RBM20: variants seen among roughly 807,000 people sequenced by gnomAD.
RBM20 encodes the protein RNA binding motif protein 20, also known as RNA-binding protein 20.
A neutral mutation model predicts 110.1 loss-of-function variants in RBM20; 51 were observed. The observed-to-expected ratio is 0.46, with a 90% CI of 0.37 to 0.59. The LOEUF (loss-of-function observed/expected upper bound fraction) is 0.59. Among genes scored for constraint, RBM20 ranks in the 20% least tolerant of loss-of-function variants. The pLI is 0.00. For synonymous variants in RBM20, 589 were observed against 618.2 expected (o/e 0.95, Z 0.70); for missense variants, 1,512 against 1,574.9 (o/e 0.96, Z 0.68).
intron 1 of RBM20, among the ~76,000 whole-genome samples, chr10:110,707,280 A>G (rs762013720): frequency 1.3e-5 from 2 of 152,242 alleles, no homozygotes; most frequent in Non-Finnish European, 2.9e-5. Context: ...TGTTGGATAT[A>G]AAATGGAGCT....
At chr10:110,783,085 T>G (rs1373929071) in intron 2 of RBM20, among the ~76,000 whole-genome samples, 5 of 151,772 alleles carry the variant, frequency 3.3e-5, no homozygotes, top group Non-Finnish European at 5.9e-5. Context: ...AAGGGTCCAT[T>G]GAGAGGGGTA....
At chr10:110,700,281 G>A (rs1862738284) in intron 1 of RBM20, among the ~76,000 whole-genome samples, 1 of 152,146 alleles carries the variant, frequency 6.6e-6, no homozygotes, top group African/African-American at 2.4e-5. Context: ...TGGGTTTATA[G>A]GTGCTACATT....
At chr10:110,682,089 A>G (rs1262104505) in intron 1 of RBM20, among the ~76,000 whole-genome samples, 1 of 151,944 alleles carries the variant, frequency 6.6e-6, no homozygotes, top group African/African-American at 2.4e-5. Context: ...ATGGGGTTTC[A>G]CCATGCTGGC....
chr10:110,654,283 C>T (rs73353197), intron 1 of RBM20, among the ~76,000 whole-genome samples: 4,508 of 152,226 alleles, frequency 0.03, 225 homozygotes, highest in African/African-American at 0.1. Context: ...AATATGTTTG[C>T]GTTGTATCAC....
At chr10:110,730,197 A>G (rs1843606348) in intron 1 of RBM20, among the ~76,000 whole-genome samples, 1 of 152,126 alleles carries the variant, frequency 6.6e-6, no homozygotes, top group African/African-American at 2.4e-5. Flanking sequence ...GGAGAAGCAG[A>G]CCCCTGGATA....
chr10:110,672,742 T>G (rs1181733042), intron 1 of RBM20, among the ~76,000 whole-genome samples: 1 of 152,216 alleles, frequency 6.6e-6, no homozygotes, highest in Non-Finnish European at 1.5e-5. Flanking sequence ...AGTGCTAGGT[T>G]GTACCGTGGA....
chr10:110,750,062 G>A (rs1475667608), intron 1 of RBM20, among the ~76,000 whole-genome samples: 1 of 152,200 alleles, frequency 6.6e-6, no homozygotes, highest in Non-Finnish European at 1.5e-5. Flanking sequence ...TATACACATA[G>A]GTGTTGCCTC....
At chr10:110,700,163 C>A (rs1321057477) in intron 1 of RBM20, among the ~76,000 whole-genome samples, 1 of 152,112 alleles carries the variant, frequency 6.6e-6, no homozygotes, top group Non-Finnish European at 1.5e-5. Flanking sequence ...TACTGTATTC[C>A]CCTCTTCCTG....
chr10:110,833,522 A>C (rs1564668940), intron 13 of RBM20, among the ~76,000 whole-genome samples: 1 of 152,056 alleles, frequency 6.6e-6, no homozygotes, highest in Non-Finnish European at 1.5e-5. Flanking sequence ...TCGATGTGAG[A>C]ACCTTTTCTC....
intron 12 of RBM20, among the ~76,000 whole-genome samples, chr10:110,830,594 C>CT (rs5787874): frequency 0.3 from 45,517 of 151,774 alleles, 7,017 homozygotes; most frequent in East Asian, 0.33. Context: ...CTTTTATTTA[C>CT]TTTTTTTTCT....
chr10:110,644,589 G>C lies in RBM20; in HGVS notation c.135G>C (p.Pro45=), dbSNP rs1564804199. The C allele has an allele frequency of 2.0e-6, 3 of 1,524,518 alleles. No homozygotes were observed. The highest frequency in any genetic ancestry group is 4.1e-5 in the Admixed American group (2 of 49,140). 94.4% of individuals were successfully genotyped at this position (1,524,518 alleles called of 1,614,324 possible). ...PSGPRGMQQP[P]PPPQPPPPPQ... is the part of the protein sequence containing the mutation. ...GCCCGCGAGGGATGCAGCAGCCGCC[G>C]CCGCCGCCCCAGCCACCGCCCCCGC... The change falls in exon 1 of 14, where the codon CCG becomes CCC. Residue 45 remains proline, a synonymous_variant. Transcript: ENST00000369519. This position sits in a 1 kb window ranked among gnomAD's most constrained non-coding sequence, Gnocchi z 4.3.
intron 1 of RBM20, among the ~76,000 whole-genome samples, chr10:110,773,105 G>A (rs773748831): frequency 3.3e-5 from 5 of 152,196 alleles, no homozygotes; most frequent in Non-Finnish European, 7.3e-5. Context: ...ACTCCATTGC[G>A]CTATTCTCAG....
At chr10:110,759,791 G>C (rs527755289) in intron 1 of RBM20, among the ~76,000 whole-genome samples, 1 of 152,182 alleles carries the variant, frequency 6.6e-6, no homozygotes, top group African/African-American at 2.4e-5. Flanking sequence ...TTTGTCATTG[G>C]TTTAATGATG....
chr10:110,665,042 C>CT (rs1357246533), intron 1 of RBM20, among the ~76,000 whole-genome samples: 11 of 150,802 alleles, frequency 7.3e-5, no homozygotes, highest in Non-Finnish European at 1.0e-4. Context: ...TGCCTGGCTA[C>CT]TTTTTTTTTT....
chr10:110,783,744 G>A (rs1165651099), intron 3 of RBM20, among the ~76,000 whole-genome samples: 1 of 152,174 alleles, frequency 6.6e-6, no homozygotes, highest in East Asian at 1.9e-4. Context: ...TTCACATAGG[G>A]CTTACTATTT....
chr10:110,679,860 A>C (rs1056158460), intron 1 of RBM20, among the ~76,000 whole-genome samples: 1 of 152,192 alleles, frequency 6.6e-6, no homozygotes, highest in Admixed American at 6.5e-5. Flanking sequence ...GACCCAGCAC[A>C]CAGATGGCCA....
intron 9 of RBM20, among the ~76,000 whole-genome samples, chr10:110,817,995 A>G (rs10787282): frequency 1 from 152,312 of 152,336 alleles, 76,144 homozygotes; most frequent in Non-Finnish European, 1. Flanking sequence ...AATACAGTGA[A>G]GAGGCTGGAC....
intron 1 of RBM20, among the ~76,000 whole-genome samples, chr10:110,684,738 G>A (rs773372167): frequency 6.6e-6 from 1 of 150,566 alleles, no homozygotes; most frequent in Non-Finnish European, 1.5e-5. Context: ...TGGATGAAAA[G>A]TGAGGATTTT....
intron 1 of RBM20, among the ~76,000 whole-genome samples, chr10:110,759,087 A>T (rs1334882688): frequency 1.3e-5 from 2 of 152,070 alleles, no homozygotes; most frequent in African/African-American, 4.8e-5. Flanking sequence ...CTGACTCACA[A>T]CTCTTGACTG....
Sources: gnomAD v4.1 joint callset for allele counts (sites outside exome capture counted in the v4.1 genomes callset) on GRCh38, gnomAD v4.1.1 for gene constraint, Gnocchi (gnomAD v3.1) non-coding constraint, MANE v1.5 for transcripts, NCBI Gene and HGNC (gene_info 2026-07-23, HGNC 2026-07-21) for gene names.